Variants in MYEF2 observed in about 807,000 individuals in gnomAD.
MYEF2 encodes the protein myelin gene expression factor 2.
In MYEF2, 37 loss-of-function variants were observed where a neutral mutation model predicts 75.2. The observed-to-expected ratio is 0.49, with a 90% CI of 0.38 to 0.65. MYEF2 has a LOEUF of 0.65. Among genes scored for constraint, MYEF2 ranks in the 30% least tolerant of loss-of-function variants. The pLI, the probability that MYEF2 is intolerant of heterozygous loss-of-function variation, is 0.00. For missense variants in MYEF2, 634 were observed against 771.4 expected, an observed-to-expected ratio of 0.82 and a Z score of 2.11; for synonymous variants, 195 against 241.6, an observed-to-expected ratio of 0.81 and a Z score of 1.79.
intron 1 of MYEF2, among the ~76,000 whole-genome samples, chr15:48,176,406 TC>T (rs1206042340): frequency 6.6e-6 from 1 of 152,108 alleles, no homozygotes. Flanking sequence ...ATGGAAATAA[TC>T]TGTATTTACT....
chr15:48,137,164 A>G lies in MYEF2; in HGVS notation c.*5744T>C. The G allele has an allele frequency of 1.8e-6, 1 of 544,172 alleles. No homozygotes were observed. Among genetic ancestry groups the G allele is most frequent in the Non-Finnish European group, 3.1e-6 (1 of 324,024 alleles). 33.7% of individuals were successfully genotyped at this position (544,172 alleles called of 1,614,324 possible). A position where few individuals can be genotyped will look rare whatever the true frequency, so the allele number is the denominator to read the frequency against. ...AATAGCTAAAGTATGAACGTTAAGT[A>G]CCATAAAAAGAGAAAAATAAAGTGT... On this transcript the variant is annotated 3_prime_UTR_variant, in exon 17 of 17. Coordinates refer to ENST00000324324, the MANE Select transcript of MYEF2 (RefSeq NM_016132.5).
chr15:48,156,269 A>G (rs1597319178), intron 9 of MYEF2, among the ~76,000 whole-genome samples: 1 of 152,174 alleles, frequency 6.6e-6, no homozygotes, highest in South Asian at 2.1e-4. Context: ...GGAAAAAATA[A>G]TAAGGCTAAG....
chr15:48,173,867 T>C (rs2040422308), intron 1 of MYEF2, among the ~76,000 whole-genome samples: 1 of 152,116 alleles, frequency 6.6e-6, no homozygotes, highest in South Asian at 2.1e-4. Context: ...AAATGAAAGA[T>C]ATTCCATGTT....
chr15:48,137,391 T>C lies in MYEF2; in HGVS notation c.*5517A>G, dbSNP rs2433357. On this transcript the variant is annotated 3_prime_UTR_variant, in exon 17 of 17. Coordinates refer to ENST00000324324, the MANE Select transcript of MYEF2 (RefSeq NM_016132.5). ...GAGATAAAACACATAGAGCACAGTA[T>C]GTGCATAGGAAGGAAGGAGAGGAAA... is the stretch of plus-strand genomic sequence containing the variant. 0.027 allele frequency: 4,182 copies of C among 155,020 alleles called. 195 individuals are homozygous for C. The highest frequency in any genetic ancestry group is 0.093 in the African/African-American group (3,854 of 41,574). 9.6% of individuals were successfully genotyped at this position (155,020 alleles called of 1,614,324 possible). A position where few individuals can be genotyped will look rare whatever the true frequency, so the allele number is the denominator to read the frequency against.
chr15:48,151,001 A>G (rs532623908), intron 14 of MYEF2, 99 bp downstream of exon 14: 2 of 694,264 alleles, frequency 2.9e-6, no homozygotes, highest in East Asian at 2.9e-5. Flanking sequence ...ACATTAACGT[A>G]TAAGAACAAA....
At chr15:48,152,160 G>A in intron 11 of MYEF2, 74 bp downstream of exon 11, 1 of 1,412,818 alleles carries the variant, frequency 7.1e-7, no homozygotes, top group Non-Finnish European at 9.9e-7. Flanking sequence ...TTTTTTCATG[G>A]AATTCTCAAC....
chr15:48,147,626 C>A lies in MYEF2; in HGVS notation c.1639+1406G>T, dbSNP rs75123501. Among the ~76,000 whole-genome samples, 140 of 152,056 alleles carry A rather than the reference C, an allele frequency of 9.2e-4. 1 individual carries two copies. The East Asian group carries it at 0.024, about 26-fold the overall frequency. ...TGCAAAGAAGACCAATACCTCAAGG[C>A]CACTTTACTATTTTGCTTTCTCTTA... On this transcript the variant is annotated intron_variant, in intron 16 of 16. Coordinates refer to ENST00000324324, the MANE Select transcript of MYEF2 (RefSeq NM_016132.5).
chr15:48,160,729 G>A (rs954978603), intron 5 of MYEF2, among the ~76,000 whole-genome samples: 10 of 151,928 alleles, frequency 6.6e-5, no homozygotes, highest in African/African-American at 2.4e-4. Flanking sequence ...GCCTCAGTCT[G>A]GGAATACAGT....
At chr15:48,143,424 C>A (rs1722469830) in intron 16 of MYEF2, among the ~76,000 whole-genome samples, 1 of 152,000 alleles carries the variant, frequency 6.6e-6, no homozygotes, top group African/African-American at 2.4e-5. Flanking sequence ...CATATTTAAA[C>A]AAAATTATTT....
rs765262854 is a variant in MYEF2, at chr15:48,142,269, C to T, written c.*639G>A. The T allele has an allele frequency of 4.3e-6, 7 of 1,613,492 alleles. No homozygotes were observed. Among genetic ancestry groups the T allele is most frequent in the Non-Finnish European group, 5.9e-6 (7 of 1,179,712 alleles). On this transcript the variant is annotated 3_prime_UTR_variant, in exon 17 of 17. Transcript: ENST00000324324. The stretch of plus-strand genomic sequence containing the variant: ...AAGTTGGGAATAGTCTGCCTATTAT[C>T]ATACTTGGGGCTTGCTACATTATCA...
chr15:48,150,232 G>C (rs921966459), intron 14 of MYEF2, among the ~76,000 whole-genome samples: 1 of 151,906 alleles, frequency 6.6e-6, no homozygotes, highest in Non-Finnish European at 1.5e-5. Flanking sequence ...GGAAACAGAA[G>C]TACAAACACT....
intron 5 of MYEF2, among the ~76,000 whole-genome samples, chr15:48,163,079 A>G (rs925033952): frequency 2.6e-5 from 4 of 152,200 alleles, no homozygotes; most frequent in Admixed American, 6.5e-5. Flanking sequence ...CTTGCATCGA[A>G]GTTCCTGAAG....
chr15:48,160,518 C>CACACACACACACACACACACAA (rs2039901066), intron 5 of MYEF2, among the ~76,000 whole-genome samples: 1 of 151,654 alleles, frequency 6.6e-6, no homozygotes, highest in African/African-American at 2.4e-5. Flanking sequence ...CACACACACA[C>CACACACACACACACACACACAA]AAACATAAAT....
chr15:48,155,048 A>C (rs759137885), intron 9 of MYEF2, among the ~76,000 whole-genome samples: 1 of 152,130 alleles, frequency 6.6e-6, no homozygotes, highest in South Asian at 2.1e-4. Flanking sequence ...CAAAAAAATA[A>C]GACACAATAT....
At position 48,168,846 on chromosome 15, in the gene MYEF2, A is replaced by C. The variant is rs1567272133; in HGVS notation, c.162-7T>G. ...TGCTGATTCATCATTCTCCCTGTGA[A>C]TTAAAAAAAGTCAAACAAACAAAAA... On this transcript the variant is annotated splice_region_variant and splice_polypyrimidine_tract_variant and intron_variant, in intron 1 of 16. Transcript: ENST00000324324. 1 of 1,604,064 alleles carries C rather than the reference A, an allele frequency of 6.2e-7. No individual in the cohort carries two copies. Among genetic ancestry groups the C allele is most frequent in the Non-Finnish European group, 8.5e-7 (1 of 1,174,154 alleles).
intron 5 of MYEF2, among the ~76,000 whole-genome samples, chr15:48,161,225 C>T (rs938442426): frequency 2.6e-4 from 39 of 151,954 alleles, no homozygotes; most frequent in Non-Finnish European, 1.0e-4. Context: ...ATGACTTTTA[C>T]TCTTCTTTTC....
intron 13 of MYEF2, 112 bp from the exon 14 acceptor site, chr15:48,151,283 T>C: frequency 2.7e-6 from 3 of 1,106,678 alleles, no homozygotes; most frequent in South Asian, 1.5e-5. Context: ...TAAAGTCTTC[T>C]GAAAATAGAG....
In MYEF2 at chr15:48,151,977, T is replaced by C. The variant is rs765559618; in HGVS notation, c.1139-35A>G. The C allele has an allele frequency of 6.3e-6, 10 of 1,593,954 alleles. No homozygotes were observed. The South Asian group carries it at 1.1e-4, about 18-fold the overall frequency. On this transcript the variant is annotated intron_variant, in intron 11 of 16. Coordinates refer to ENST00000324324, the MANE Select transcript of MYEF2 (RefSeq NM_016132.5). ...AAAGATTAATTTTGAGATCCAACTGTCAGTCATGTAGCTGAAAGGTACGTT... is the reference window on the plus strand; with the variant it reads ...AAAGATTAATTTTGAGATCCAACTGCCAGTCATGTAGCTGAAAGGTACGTT...
chr15:48,149,481 A>G lies in MYEF2; in HGVS notation c.1379-110T>C, dbSNP rs182910979. ...GAGGAAAAGGAGATAAACATTTTTGAGAAAGAAGGGGGAAATTAATTTGTT... is the reference window on the plus strand; with the variant it reads ...GAGGAAAAGGAGATAAACATTTTTGGGAAAGAAGGGGGAAATTAATTTGTT... On this transcript the variant is annotated intron_variant, in intron 14 of 16. Transcript: ENST00000324324. The surrounding 1 kb of genome is among the most constrained non-coding windows in gnomAD (Gnocchi z 4.0). 16 of 738,174 alleles carry G rather than the reference A, an allele frequency of 2.2e-5. No homozygotes were observed. In the East Asian group the frequency reaches 3.2e-4, roughly 15 times the overall value. 45.7% of individuals were successfully genotyped at this position (738,174 alleles called of 1,614,324 possible).
Sources: allele counts gnomAD v4.1 joint callset (sites outside exome capture counted in the v4.1 genomes callset), GRCh38; gene constraint gnomAD v4.1.1; non-coding constraint Gnocchi (gnomAD v3.1); transcripts MANE v1.5; gene names NCBI Gene and HGNC (gene_info 2026-07-23, HGNC 2026-07-21).